The following RPL9 variants were observed in gnomAD, a reference collection of about 807,000 sequenced individuals.
RPL9 encodes the protein large ribosomal subunit protein uL6.
For missense variants in RPL9, 149 were observed against 236.7 expected (o/e 0.63, Z 2.43); for synonymous variants, 82 against 77.1 (o/e 1.06, Z -0.33).
chr4:39,458,020 G>T, intron 3 of RPL9, 174 bp downstream of exon 3: 1 of 729,786 alleles, frequency 1.4e-6, no homozygotes, highest in Non-Finnish European at 2.4e-6. Context: ...TATATAATTG[G>T]CTGTGTTCAG....
In RPL9 at chr4:39,455,055, C is replaced by T. The variant is rs561820899; in HGVS notation, c.392-111G>A. 2.0e-5 allele frequency: 23 copies of T among 1,156,302 alleles called. 1 individual carries two copies. In the South Asian group the frequency reaches 3.5e-4, roughly 18 times the overall value. The allele number at this position is 1,156,302 out of a possible 1,614,324, so 71.6% of individuals were successfully genotyped here. ...ACTCCATGCACCAAAAGAACCTTTT[C>T]TTAAGATTTTGAGGCCGGGCACAGT... On this transcript the variant is annotated intron_variant, in intron 5 of 7. Coordinates refer to ENST00000295955, the MANE Select transcript of RPL9 (RefSeq NM_000661.5).
At chr4:39,455,423 CAAGAGGCCGAGCCAGGTATGTTTT>C (rs1744048447) in intron 5 of RPL9, 1 of 144,220 alleles carries the variant, frequency 6.9e-6, no homozygotes, top group South Asian at 2.5e-4. Flanking sequence ...CAAAATGCAT[CAAGAGGCCGAGCCAGGTATGTTTT>C]AAGAGGCCAA....
chr4:39,456,601 T>C (rs1744097192), intron 4 of RPL9, 63 bp from the exon 5 acceptor site: 4 of 1,548,466 alleles, frequency 2.6e-6, no homozygotes, highest in South Asian at 1.2e-5. Flanking sequence ...AGTTTTAAAA[T>C]TTTCTAAGAT....
rs1375105314 is a variant in RPL9, at chr4:39,456,483, A to G, written c.314T>C (p.Ile105Thr). Reference protein sequence around the residue: ...VYAHFPINVVIQENGSLVEIR... With the variant: ...VYAHFPINVVTQENGSLVEIR... Reference sequence around the variant, plus strand: ...TTCAACAAGAGACCCATTCTCCTGGATAACAACGTTGATGGGGAAGTGAGC... The same window carrying G: ...TTCAACAAGAGACCCATTCTCCTGGGTAACAACGTTGATGGGGAAGTGAGC... Residue 105 changes from isoleucine (I) to threonine (T), a missense_variant, in exon 5 of 8, where the codon ATC (isoleucine) becomes ACC (threonine). By Grantham distance (89) the Ile-to-Thr change is moderately conservative. Coordinates refer to ENST00000295955, the MANE Select transcript of RPL9 (RefSeq NM_000661.5). The G allele has an allele frequency of 1.1e-5, 18 of 1,614,170 alleles. No individual in the cohort carries two copies. Among genetic ancestry groups the G allele is most frequent in the Non-Finnish European group, 1.4e-5 (17 of 1,180,000 alleles).
rs1744028691 is a variant in RPL9, at chr4:39,454,960, G to A, written c.392-16C>T. 2.5e-6 allele frequency: 4 copies of A among 1,604,124 alleles called. No individual in the cohort carries two copies. The highest frequency in any genetic ancestry group is 2.2e-5 in the East Asian group (1 of 44,834). On this transcript the variant is annotated splice_polypyrimidine_tract_variant and intron_variant, in intron 5 of 7. Coordinates refer to ENST00000295955, the MANE Select transcript of RPL9 (RefSeq NM_000661.5). The stretch of plus-strand genomic sequence containing the variant: ...CAAGCAACACCTAAAAGGGGAGAGG[G>A]CATTTGCACAGCATCAAATCTGTGT...
chr4:39,458,080 A>G (rs1744187287), intron 3 of RPL9, 114 bp downstream of exon 3: 5 of 1,041,392 alleles, frequency 4.8e-6, no homozygotes, highest in Admixed American at 4.0e-5. Context: ...GGACAGCAAC[A>G]TTTAAAGCTG....
Position 39,456,469 on chromosome 4 carries a change from A to G in RPL9, c.328T>C (p.Ser110Pro). The G allele has an allele frequency of 6.2e-7, 1 of 1,614,058 alleles. No homozygotes were observed. Among genetic ancestry groups the G allele is most frequent in the Non-Finnish European group, 8.5e-7 (1 of 1,179,936 alleles). ...AAGAAATTTCGGATTTCAACAAGAGACCCATTCTCCTGGATAACAACGTTG... is the reference window on the plus strand; with the variant it reads ...AAGAAATTTCGGATTTCAACAAGAGGCCCATTCTCCTGGATAACAACGTTG... ...PINVVIQENG[S>P]LVEIRNFLGE... is the part of the protein sequence containing the mutation. The change falls in exon 5 of 8, where the codon TCT (serine) becomes CCT (proline). Residue 110 changes from serine to proline, a missense_variant. Transcript: ENST00000295955.
intron 7 of RPL9, 65 bp from the exon 8 acceptor site, chr4:39,454,290 T>C (rs1744001896): frequency 3.1e-6 from 1 of 322,036 alleles, no homozygotes; most frequent in African/African-American, 2.2e-5. Context: ...AGTACTAATC[T>C]TTTTTCTGTA....
At chr4:39,456,263 A>G (rs1198433659) in intron 5 of RPL9, 143 bp downstream of exon 5, 18 of 866,000 alleles carry the variant, frequency 2.1e-5, no homozygotes, top group Non-Finnish European at 3.1e-5. Flanking sequence ...AGTGTAATCA[A>G]GAGATAATTC....
At chr4:39,456,374 T>A in intron 5 of RPL9, 32 bp downstream of exon 5, 2 of 1,613,256 alleles carry the variant, frequency 1.2e-6, no homozygotes, top group Non-Finnish European at 1.7e-6. Context: ...GAAGGAAAAA[T>A]TTCTTAATTC....
intron 4 of RPL9, 54 bp from the exon 5 acceptor site, chr4:39,456,592 GTTTTAAAATTT>G: frequency 6.4e-7 from 1 of 1,574,564 alleles, no homozygotes; most frequent in Non-Finnish European, 8.6e-7. Flanking sequence ...ATTTTTAATA[GTTTTAAAATTT>G]TCTAAGATGC....
rs372498694 is a variant in RPL9, at chr4:39,456,514, C to G, written c.283G>C (p.Val95Leu). ...ACGTTGATGGGGAAGTGAGCATACA[C>G]AGACCTCATCTTGTAACGGAAGCCC... Reference protein sequence around the residue: ...TLGFRYKMRSVYAHFPINVVI... With the variant: ...TLGFRYKMRSLYAHFPINVVI... The change falls in exon 5 of 8, where the codon GTG (valine) becomes CTG (leucine). Residue 95 changes from valine (V) to leucine (L), a missense_variant. Transcript: ENST00000295955. 3.1e-6 allele frequency: 5 copies of G among 1,613,880 alleles called. No individual in the cohort carries two copies. Among genetic ancestry groups the G allele is most frequent in the Non-Finnish European group, 4.2e-6 (5 of 1,179,908 alleles).
chr4:39,456,574 T>A (rs1406546288), intron 4 of RPL9, 36 bp from the exon 5 acceptor site: 3 of 1,600,950 alleles, frequency 1.9e-6, no homozygotes, highest in Non-Finnish European at 2.6e-6. Flanking sequence ...TTAGCAATGC[T>A]GAGGAATATT....
intron 1 of RPL9, 148 bp from the exon 2 acceptor site, chr4:39,458,588 T>A: frequency 1.3e-6 from 1 of 780,100 alleles, no homozygotes; most frequent in Non-Finnish European, 2.1e-6. Flanking sequence ...CGGGCCCCAG[T>A]GTGTCCCAGC....
At chr4:39,458,526 G>T in intron 1 of RPL9, 86 bp from the exon 2 acceptor site, 2 of 1,424,856 alleles carry the variant, frequency 1.4e-6, no homozygotes, top group South Asian at 1.2e-5. Flanking sequence ...TCCTACTGGA[G>T]ACTGCCAGGC....
rs1178107197 is a variant in RPL9, at chr4:39,456,541, A to G, written c.259-3T>C. The G allele has an allele frequency of 7.4e-6, 12 of 1,612,920 alleles. No homozygotes were observed. Among genetic ancestry groups the G allele is most frequent in the South Asian group, 2.2e-5 (2 of 90,862 alleles). ...GACCTCATCTTGTAACGGAAGCCCT[A>G]TGTTAAATAAATAAGCAAGCTATTA... is the stretch of plus-strand genomic sequence containing the variant. On this transcript the variant is annotated splice_region_variant and splice_polypyrimidine_tract_variant and intron_variant, in intron 4 of 7. Coordinates refer to ENST00000295955, the MANE Select transcript of RPL9 (RefSeq NM_000661.5).
chr4:39,456,689 A>G lies in RPL9; in HGVS notation c.259-151T>C, dbSNP rs1170928310. The G allele has an allele frequency of 4.8e-6, 4 of 828,044 alleles. No homozygotes were observed. The East Asian group carries it at 8.1e-5, about 17-fold the overall frequency. The allele number at this position is 828,044 out of a possible 1,614,324, so 51.3% of individuals were successfully genotyped here. ...GTCACCTGAACCAAGCCTTATAAAC[A>G]TTGTTCTGTCTATTCAGTGGACTGT... On this transcript the variant is annotated intron_variant, in intron 4 of 7. Coordinates refer to ENST00000295955, the MANE Select transcript of RPL9 (RefSeq NM_000661.5).
At position 39,454,578 on chromosome 4, in the gene RPL9, A is replaced by G. The variant is rs1163900964; in HGVS notation, c.544T>C (p.Ser182Pro). 6.2e-7 allele frequency: 1 copy of G among 1,612,894 alleles called. No individual in the cohort carries two copies. The highest frequency in any genetic ancestry group is 1.7e-5 in the Admixed American group (1 of 59,900). ...IRKFLDGIYV[S>P]EKGTVQQADE ...GCCTGCTGAACAGTTCCTTTTTCAGAGACATAGATACCATCCAAAAATTTC... is the reference window on the plus strand; with the variant it reads ...GCCTGCTGAACAGTTCCTTTTTCAGGGACATAGATACCATCCAAAAATTTC... The change falls in exon 7 of 8, where the codon TCT (serine) becomes CCT (proline). Residue 182 changes from serine to proline, a missense_variant. Coordinates refer to ENST00000295955, the MANE Select transcript of RPL9 (RefSeq NM_000661.5).
intron 4 of RPL9, chr4:39,456,823 A>G (rs1042264209): frequency 3.0e-5 from 10 of 329,524 alleles, no homozygotes; most frequent in African/African-American, 1.5e-4. Context: ...TTAGACTAAC[A>G]TTTACTGAGT....
Sources: allele counts gnomAD v4.1 joint callset, GRCh38; gene constraint gnomAD v4.1.1; transcripts MANE v1.5; gene names NCBI Gene and HGNC (gene_info 2026-07-23, HGNC 2026-07-21).